Variants in SLC35E1 observed in about 807,000 individuals in gnomAD.
SLC35E1 encodes the protein solute carrier family 35 member E1, also known as solute carrier family 35, member E1.
Under a neutral mutation model 31.0 loss-of-function variants are expected in SLC35E1, and 12 were observed. That is an observed-to-expected ratio of 0.39 (90% confidence interval 0.25 to 0.63). SLC35E1 has a LOEUF of 0.63. Among genes scored for constraint, SLC35E1 ranks in the 20% least tolerant of loss-of-function variants. The pLI is 0.52. For missense variants in SLC35E1, 429 were observed against 572.2 expected (o/e 0.75, Z 2.55); for synonymous variants, 257 against 264.1 (o/e 0.97, Z 0.26).
rs928533552 is a variant in SLC35E1 at position 16,572,324 on chromosome 19, C to G, written c.41G>C (p.Gly14Ala). ...AAVGAGHGAG[G>A]PGAASSSGGA... is the part of the protein sequence containing the mutation. ...ACCACTGCTGCTCGCTGCGCCCGGG[C>G]CCCCCGCGCCGTGGCCCGCGCCCAC... is the stretch of plus-strand genomic sequence containing the variant. The change falls in exon 1 of 6, where the codon GGC becomes GCC. Residue 14 changes from glycine (G) to alanine (A), a missense_variant. Transcript: ENST00000595753. The surrounding 1 kb of genome is among the most constrained non-coding windows in gnomAD (Gnocchi z 4.1). 4.2e-6 allele frequency: 5 copies of G among 1,197,232 alleles called. No individual in the cohort carries two copies. The highest frequency in any genetic ancestry group is 5.2e-6 in the Non-Finnish European group (5 of 959,976). The allele number at this position is 1,197,232 out of a possible 1,614,324, so 74.2% of individuals were successfully genotyped here. A position where few individuals can be genotyped will look rare whatever the true frequency, so the allele number is the denominator to read the frequency against.
At position 16,572,387 on chromosome 19, in the gene SLC35E1, C is replaced by T. The variant is rs957047554; in HGVS notation, c.-23G>A. ...CATCCTGCCCGAGCGGCCGCCCCTT[C>T]CAGCCCGTCCGACGGCCCGACGCCG... is the stretch of plus-strand genomic sequence containing the variant. On this transcript the variant is annotated 5_prime_UTR_variant, in exon 1 of 6. Coordinates refer to ENST00000595753, the MANE Select transcript of SLC35E1 (RefSeq NM_024881.5). The surrounding 1 kb of genome is among the most constrained non-coding windows in gnomAD (Gnocchi z 4.1). 2.0e-6 allele frequency: 2 copies of T among 995,466 alleles called. No homozygotes were observed. Among genetic ancestry groups the T allele is most frequent in the African/African-American group, 3.5e-5 (2 of 57,080 alleles). 61.7% of individuals were successfully genotyped at this position (995,466 alleles called of 1,614,324 possible).
chr19:16,569,917 G>A (rs1426016150), intron 2 of SLC35E1, among the ~76,000 whole-genome samples: 1 of 152,142 alleles, frequency 6.6e-6, no homozygotes, highest in Non-Finnish European at 1.5e-5. Context: ...CCACAAGGAG[G>A]GCAGACCGAG....
intron 2 of SLC35E1, among the ~76,000 whole-genome samples, chr19:16,571,217 A>G (rs2085956461): frequency 6.6e-6 from 1 of 152,178 alleles, no homozygotes; most frequent in South Asian, 2.1e-4. Flanking sequence ...ATCACCTACC[A>G]GCAAACCCAG....
In SLC35E1 at chr19:16,551,930, T is replaced by G. The variant is rs1337143853; in HGVS notation, c.*1749A>C. The G allele has an allele frequency of 6.6e-6, 1 of 151,932 alleles. No individual in the cohort carries two copies. The highest frequency in any genetic ancestry group is 2.4e-5 in the African/African-American group (1 of 41,332). The allele number at this position is 151,932 out of a possible 1,614,324, so 9.4% of individuals were successfully genotyped here. A position where few individuals can be genotyped will look rare whatever the true frequency, so the allele number is the denominator to read the frequency against. On this transcript the variant is annotated 3_prime_UTR_variant, in exon 6 of 6. Transcript: ENST00000595753. ...CCACCATGCCTGGCTAATTTTTGTT[T>G]TAGTAGAGATGGGGTTTCACCATGT...
At chr19:16,556,795 C>T (rs1282201026) in intron 4 of SLC35E1, 4 of 463,236 alleles carry the variant, frequency 8.6e-6, no homozygotes, top group Non-Finnish European at 1.3e-5. Context: ...GTCTACCTGA[C>T]TCCATCTCCA....
chr19:16,553,785 TG>T lies in SLC35E1; in HGVS notation c.1126del (p.Gln376SerfsTer13). 1 of 1,613,882 alleles carries T rather than the reference TG, an allele frequency of 6.2e-7. No individual in the cohort carries two copies. The highest frequency in any genetic ancestry group is 1.7e-5 in the Admixed American group (1 of 59,974). On this transcript the variant is annotated frameshift_variant, in exon 6 of 6. Transcript: ENST00000595753. LOFTEE classifies it low-confidence loss of function (END_TRUNC). ...GCGGCCGTACTGATAGTCCCCGTGCTGGGGGAAGAGGAGGCCGTTGTGGGGC... is the reference window on the plus strand; with the variant it reads ...GCGGCCGTACTGATAGTCCCCGTGCTGGGGAAGAGGAGGCCGTTGTGGGGC... ...EKPHNGLLFPQHGDYQYGRNN... is the reference protein window; with the variant it reads ...EKPHNGLLFPXHGDYQYGRNN...
In SLC35E1 at chr19:16,572,065, G is replaced by A. The variant is rs1033610311; in HGVS notation, c.300C>T (p.Gly100=). 3.4e-5 allele frequency: 53 copies of A among 1,538,986 alleles called. No individual in the cohort carries two copies. The African/African-American group carries it at 7.1e-4, about 20-fold the overall frequency. ...GPGPSPHPSS[G]PLLPPRFYPR... ...GGTAGAAGCGCGGCGGCAGCAGCGG[G>A]CCGGACGACGGATGCGGACTGGGTC... Residue 100 remains glycine (G), a synonymous_variant, in exon 1 of 6, where the codon GGC becomes GGT. Transcript: ENST00000595753. The surrounding 1 kb of genome is among the most constrained non-coding windows in gnomAD (Gnocchi z 4.1).
chr19:16,558,254 G>T (rs1308914195), intron 4 of SLC35E1, among the ~76,000 whole-genome samples: 2 of 152,068 alleles, frequency 1.3e-5, no homozygotes, highest in Non-Finnish European at 2.9e-5. Flanking sequence ...ATGTTGGCCA[G>T]GCTGGTCTCG....
intron 4 of SLC35E1, chr19:16,565,051 T>A: frequency 4.5e-6 from 2 of 447,174 alleles, no homozygotes; most frequent in South Asian, 3.2e-5. Context: ...CCTTTCTAAC[T>A]CGAGTCTGGA....
intron 2 of SLC35E1, among the ~76,000 whole-genome samples, chr19:16,569,878 G>C (rs1422940548): frequency 1.3e-5 from 2 of 152,184 alleles, no homozygotes; most frequent in African/African-American, 4.8e-5. Flanking sequence ...AGATAGGAGA[G>C]GTGGAGATTT....
intron 4 of SLC35E1, chr19:16,565,133 C>G: frequency 2.2e-6 from 1 of 456,684 alleles, no homozygotes; most frequent in Non-Finnish European, 4.4e-6. Flanking sequence ...AAGGCAGACC[C>G]TGCAGGTGGC....
At position 16,555,182 on chromosome 19, in the gene SLC35E1, G is replaced by C. The variant is rs775727051; in HGVS notation, c.972C>G (p.Thr324=). The C allele has an allele frequency of 6.2e-7, 1 of 1,614,062 alleles. No homozygotes were observed. The highest frequency in any genetic ancestry group is 8.5e-7 in the Non-Finnish European group (1 of 1,180,046). ...TATAGAGGAAGACCCCCAGGATGGCGGTCATCATGCCCAGGACGTTGGTGC... is the reference window on the plus strand; with the variant it reads ...TATAGAGGAAGACCCCCAGGATGGCCGTCATCATGCCCAGGACGTTGGTGC... ...VTSTNVLGMM[T]AILGVFLYNK... The change falls in exon 5 of 6, where the codon ACC becomes ACG. Residue 324 remains threonine, a synonymous_variant. Coordinates refer to ENST00000595753, the MANE Select transcript of SLC35E1 (RefSeq NM_024881.5). This position sits in a 1 kb window ranked among gnomAD's most constrained non-coding sequence, Gnocchi z 4.1.
At chr19:16,570,371 A>G (rs2122352091) in intron 2 of SLC35E1, among the ~76,000 whole-genome samples, 1 of 152,308 alleles carries the variant, frequency 6.6e-6, no homozygotes, top group Non-Finnish European at 1.5e-5. Context: ...TAGGTGGCCC[A>G]ATTTCTATAA....
intron 2 of SLC35E1, 27 bp downstream of exon 2, chr19:16,571,485 C>T (rs1568275838): frequency 6.2e-7 from 1 of 1,612,902 alleles, no homozygotes; most frequent in Admixed American, 1.7e-5. Flanking sequence ...GAGCTCCCAT[C>T]TGCCCAGAGT....
intron 4 of SLC35E1, 196 bp downstream of exon 4, chr19:16,566,336 A>G: frequency 1.5e-6 from 1 of 659,274 alleles, no homozygotes; most frequent in Non-Finnish European, 2.5e-6. Flanking sequence ...CAGAGAAGGA[A>G]ATACACAGGA....
In SLC35E1 at chr19:16,551,202, G is replaced by A. The variant is rs1203296293; in HGVS notation, c.*2477C>T. On this transcript the variant is annotated 3_prime_UTR_variant, in exon 6 of 6. Transcript: ENST00000595753. ...TTCTTCTGACAAATAACACCCTTTG[G>A]GATTGACTCTTCACGTTTTACACAG... 2.0e-5 allele frequency: 3 copies of A among 152,094 alleles called. No individual in the cohort carries two copies. Among genetic ancestry groups the A allele is most frequent in the Non-Finnish European group, 4.4e-5 (3 of 68,022 alleles). 9.4% of individuals were successfully genotyped at this position (152,094 alleles called of 1,614,324 possible).
intron 4 of SLC35E1, chr19:16,556,833 G>A (rs779524204): frequency 1.5e-5 from 7 of 470,684 alleles, no homozygotes; most frequent in South Asian, 4.6e-5. Flanking sequence ...AGGATCACAC[G>A]GTCCTCTCAA....
At chr19:16,565,567 G>C (rs2085927813) in intron 4 of SLC35E1, 1 of 160,252 alleles carries the variant, frequency 6.2e-6, no homozygotes, top group Admixed American at 6.1e-5. Context: ...ACCCAGGCTG[G>C]AGTGCAGTGG....
intron 4 of SLC35E1, chr19:16,556,993 C>A: frequency 2.1e-6 from 1 of 471,114 alleles, no homozygotes; most frequent in Middle Eastern, 3.2e-4. Flanking sequence ...ATATATGAGC[C>A]CACCAGGATG....
Sources: gnomAD v4.1 joint callset for allele counts (sites outside exome capture counted in the v4.1 genomes callset) on GRCh38, gnomAD v4.1.1 for gene constraint, Gnocchi (gnomAD v3.1) non-coding constraint, MANE v1.5 for transcripts, NCBI Gene and HGNC (gene_info 2026-07-23, HGNC 2026-07-21) for gene names.